ABLIM2: variants seen among roughly 807,000 people sequenced by gnomAD.
ABLIM2 encodes the protein actin-binding LIM protein 2.
A neutral mutation model predicts 97.7 loss-of-function variants in ABLIM2; 53 were observed. That is an observed-to-expected ratio of 0.54 (90% confidence interval 0.44 to 0.68). The LOEUF is 0.68. ABLIM2 is among the 30% of genes least tolerant of loss of function. The pLI, the probability that ABLIM2 is intolerant of heterozygous loss-of-function variation, is 0.00. For missense variants in ABLIM2, 835 were observed against 867.2 expected, an observed-to-expected ratio of 0.96 and a Z score of 0.47; for synonymous variants, 361 against 345.8, an observed-to-expected ratio of 1.04 and a Z score of -0.49.
Position 8,001,875 on chromosome 4 carries a change from C to T in ABLIM2, c.1618+6184G>A, listed in dbSNP as rs1027096974. Among the ~76,000 whole-genome samples, 1 of 152,194 alleles carries T rather than the reference C, an allele frequency of 6.6e-6. No homozygotes were observed. Among genetic ancestry groups the T allele is most frequent in the Non-Finnish European group, 1.5e-5 (1 of 68,038 alleles). On this transcript the variant is annotated intron_variant, in intron 16 of 20. Transcript: ENST00000447017. This position sits in a 1 kb window ranked among gnomAD's most constrained non-coding sequence, Gnocchi z 4.2. ...CCACTTCCTCTGTGGAATCTCCTGC[C>T]CCCCGATGGCACCTTCCCACCTGCC...
intron 3 of ABLIM2, among the ~76,000 whole-genome samples, chr4:8,091,868 T>C (rs1190434492): frequency 8.8e-6 from 1 of 113,482 alleles, no homozygotes; most frequent in Non-Finnish European, 1.7e-5. Context: ...ATATTATATA[T>C]ACAATATATA....
At position 8,110,134 on chromosome 4, in the gene ABLIM2, C is replaced by T. The variant is rs368022426; in HGVS notation, c.11-3497G>A. Among the ~76,000 whole-genome samples the T allele has an allele frequency of 1.4e-4, 21 of 152,386 alleles. No homozygotes were observed. In the East Asian group the frequency reaches 1.5e-3, roughly 11 times the overall value. On this transcript the variant is annotated intron_variant, in intron 1 of 20. Transcript: ENST00000447017. ...ATGGGGGCCCCTGTAGGCTGCCACA[C>T]GGGTGATGCACCCAGTCCACATCTG...
At position 8,003,314 on chromosome 4, in the gene ABLIM2, G is replaced by A. The variant is rs561606741; in HGVS notation, c.1618+4745C>T. Among the ~76,000 whole-genome samples, 3 of 152,306 alleles carry A rather than the reference G, an allele frequency of 2.0e-5. No homozygotes were observed. The highest frequency in any genetic ancestry group is 1.9e-4 in the East Asian group (1 of 5,182). ...GCAGAGTCATCTAGCACACAGCCTG[G>A]TGCATCATAGAGGGCTGGCCGTCTC... On this transcript the variant is annotated intron_variant, in intron 16 of 20. Transcript: ENST00000447017. The surrounding 1 kb of genome is among the most constrained non-coding windows in gnomAD (Gnocchi z 4.2).
rs984843946 is a variant in ABLIM2, at chr4:7,986,672, GAATTT to G, written c.1681-1784_1681-1780del. Among the ~76,000 whole-genome samples, 3 of 152,018 alleles carry G rather than the reference GAATTT, an allele frequency of 2.0e-5. No individual in the cohort carries two copies. Among genetic ancestry groups the G allele is most frequent in the Non-Finnish European group, 4.4e-5 (3 of 68,008 alleles). On this transcript the variant is annotated intron_variant, in intron 17 of 20. Coordinates refer to ENST00000447017, the MANE Select transcript of ABLIM2 (RefSeq NM_001130083.2). The surrounding 1 kb of genome is among the most constrained non-coding windows in gnomAD (Gnocchi z 4.3). ...TCTTGCCTTCAGGGGTATTCACAAA[GAATTT>G]CTTTTTTTTCTTTGAGACAGAGTCT...
chr4:8,126,203 C>T (rs966584744), intron 1 of ABLIM2, among the ~76,000 whole-genome samples: 1 of 152,188 alleles, frequency 6.6e-6, no homozygotes, highest in East Asian at 1.9e-4. Flanking sequence ...CTGTGCAGGG[C>T]AGAACCCACA....
At position 8,095,742 on chromosome 4, in the gene ABLIM2, G is replaced by A. The variant is rs7674677; in HGVS notation, c.338+1357C>T. 0.25 allele frequency among the ~76,000 whole-genome samples: 37,527 copies of A among 151,912 alleles called. 4,947 individuals are homozygous for A. The highest frequency in any genetic ancestry group is 0.31 in the East Asian group (1,606 of 5,132). On this transcript the variant is annotated intron_variant, in intron 3 of 20. Coordinates refer to ENST00000447017, the MANE Select transcript of ABLIM2 (RefSeq NM_001130083.2). This position sits in a 1 kb window ranked among gnomAD's most constrained non-coding sequence, Gnocchi z 4.7. ...GTAGAGCAGGTTCACTGTAGCCTTC[G>A]CTCTAGGGCTGTTTTGTCTTCTGGA...
In ABLIM2 at chr4:8,087,831, G is replaced by A. The variant is rs1261852847; in HGVS notation, c.454+338C>T. On this transcript the variant is annotated intron_variant, in intron 4 of 20. Coordinates refer to ENST00000447017, the MANE Select transcript of ABLIM2 (RefSeq NM_001130083.2). The surrounding 1 kb of genome is among the most constrained non-coding windows in gnomAD (Gnocchi z 4.6). ...GGGTGGAGGAAACAGCCAGTGCAAA[G>A]ACTTGGCGGCACGAGAGCCCCAGAA... is the stretch of plus-strand genomic sequence containing the variant. Among the ~76,000 whole-genome samples the A allele has an allele frequency of 3.3e-5, 5 of 152,064 alleles. No homozygotes were observed. Among genetic ancestry groups the A allele is most frequent in the African/African-American group, 9.7e-5 (4 of 41,358 alleles).
At chr4:8,135,547 G>A (rs548653021) in intron 1 of ABLIM2, among the ~76,000 whole-genome samples, 6 of 152,332 alleles carry the variant, frequency 3.9e-5, no homozygotes, top group African/African-American at 1.4e-4. Flanking sequence ...AGGACACAGT[G>A]AGAAGACGTC....
intron 1 of ABLIM2, among the ~76,000 whole-genome samples, chr4:8,154,153 G>A (rs1033774861): frequency 5.9e-5 from 9 of 151,536 alleles, no homozygotes; most frequent in African/African-American, 1.2e-4. Flanking sequence ...TAGTAGAGAT[G>A]GGGTTTCACT....
At chr4:8,141,349 C>A (rs1451848266) in intron 1 of ABLIM2, among the ~76,000 whole-genome samples, 1 of 152,164 alleles carries the variant, frequency 6.6e-6, no homozygotes, top group African/African-American at 2.4e-5. Flanking sequence ...CAGTTAATTA[C>A]CAGCCCCTCT....
At chr4:8,153,554 G>C (rs1418895868) in intron 1 of ABLIM2, among the ~76,000 whole-genome samples, 1 of 152,220 alleles carries the variant, frequency 6.6e-6, no homozygotes, top group Non-Finnish European at 1.5e-5. Context: ...ACCTCATTCA[G>C]AGTGGAGTCA....
At chr4:8,093,832 TC>T (rs1194930212) in intron 3 of ABLIM2, among the ~76,000 whole-genome samples, 2 of 152,232 alleles carry the variant, frequency 1.3e-5, no homozygotes, top group Non-Finnish European at 2.9e-5. Context: ...TTTGGTAGAT[TC>T]TGATGTGTTT....
rs1378972872 is a variant in ABLIM2 at position 7,970,760 on chromosome 4, T to C, written c.1825-3657A>G. On this transcript the variant is annotated intron_variant, in intron 20 of 20. Transcript: ENST00000447017. The surrounding 1 kb of genome is among the most constrained non-coding windows in gnomAD (Gnocchi z 5.3). ...GTTACCTTCTCTGGGAGTGTGGCAC[T>C]GGGACTGGGACGCTCCATCACCAGA... Among the ~76,000 whole-genome samples the C allele has an allele frequency of 6.6e-6, 1 of 151,856 alleles. No homozygotes were observed. The highest frequency in any genetic ancestry group is 2.1e-4 in the South Asian group (1 of 4,812).
chr4:8,005,020 G>A lies in ABLIM2; in HGVS notation c.1618+3039C>T, dbSNP rs1760159068. Reference sequence around the variant, plus strand: ...TCACCACTGCCTAGCACCATGTCCAGCACATAGTAGGTGCTCAGTAAGTAT... The same window carrying A: ...TCACCACTGCCTAGCACCATGTCCAACACATAGTAGGTGCTCAGTAAGTAT... On this transcript the variant is annotated intron_variant, in intron 16 of 20. Transcript: ENST00000447017. The surrounding 1 kb of genome is among the most constrained non-coding windows in gnomAD (Gnocchi z 4.9). Among the ~76,000 whole-genome samples the A allele has an allele frequency of 6.6e-6, 1 of 152,226 alleles. No individual in the cohort carries two copies. The highest frequency in any genetic ancestry group is 1.5e-5 in the Non-Finnish European group (1 of 68,046).
In ABLIM2 at chr4:8,087,878, C is replaced by T. The variant is rs1433707746; in HGVS notation, c.454+291G>A. On this transcript the variant is annotated intron_variant, in intron 4 of 20. Coordinates refer to ENST00000447017, the MANE Select transcript of ABLIM2 (RefSeq NM_001130083.2). This position sits in a 1 kb window ranked among gnomAD's most constrained non-coding sequence, Gnocchi z 4.6. The stretch of plus-strand genomic sequence containing the variant: ...AGAAACTTCCATCCCTGGCTGCCTC[C>T]TCACATTTATTCACAGCGTTCACTG... Among the ~76,000 whole-genome samples, 1 of 152,036 alleles carries T rather than the reference C, an allele frequency of 6.6e-6. No individual in the cohort carries two copies. Among genetic ancestry groups the T allele is most frequent in the African/African-American group, 2.4e-5 (1 of 41,362 alleles).
intron 20 of ABLIM2, among the ~76,000 whole-genome samples, chr4:7,976,865 A>G (rs1733719951): frequency 6.6e-6 from 1 of 150,916 alleles, no homozygotes; most frequent in African/African-American, 2.4e-5. Flanking sequence ...ATACACGTAT[A>G]CATACATAAA....
rs758776758 is a variant in ABLIM2, at chr4:8,077,620, G to C, written c.675+8C>G. 2 of 1,602,642 alleles carry C rather than the reference G, an allele frequency of 1.2e-6. No individual in the cohort carries two copies. The highest frequency in any genetic ancestry group is 1.7e-6 in the Non-Finnish European group (2 of 1,173,996). On this transcript the variant is annotated splice_region_variant and intron_variant, in intron 6 of 20. Transcript: ENST00000447017. The stretch of plus-strand genomic sequence containing the variant: ...AGAGCGGGCAGGGGCCCGGCCCGCC[G>C]CGCTTACCTCCAGCACGCGCCCCGT...
rs530950570 is a variant in ABLIM2 at position 8,043,115 on chromosome 4, G to A, written c.900+2049C>T. ...TGCCATGAGCCATGATCTCACCACTGCACTCCAGCCTGGGCGACAGAGCCA... is the reference window on the plus strand; with the variant it reads ...TGCCATGAGCCATGATCTCACCACTACACTCCAGCCTGGGCGACAGAGCCA... On this transcript the variant is annotated intron_variant, in intron 9 of 20. Coordinates refer to ENST00000447017, the MANE Select transcript of ABLIM2 (RefSeq NM_001130083.2). This position sits in a 1 kb window ranked among gnomAD's most constrained non-coding sequence, Gnocchi z 4.8. 1.3e-5 allele frequency among the ~76,000 whole-genome samples: 2 copies of A among 152,246 alleles called. No homozygotes were observed. The highest frequency in any genetic ancestry group is 3.9e-4 in the East Asian group (2 of 5,176).
rs943865636 is a variant in ABLIM2 at position 8,058,450 on chromosome 4, C to T, written c.763+2517G>A. Among the ~76,000 whole-genome samples the T allele has an allele frequency of 6.6e-5, 10 of 152,246 alleles. No individual in the cohort carries two copies. Among genetic ancestry groups the T allele is most frequent in the Non-Finnish European group, 5.9e-5 (4 of 68,048 alleles). ...AGCCCGCAGGCACCTGCACGGCAGA[C>T]GCTCTGACAGCAGCTCTCCCAGACC... On this transcript the variant is annotated intron_variant, in intron 7 of 20. Transcript: ENST00000447017. This position sits in a 1 kb window ranked among gnomAD's most constrained non-coding sequence, Gnocchi z 4.2.
Sources: allele counts gnomAD v4.1 joint callset (sites outside exome capture counted in the v4.1 genomes callset), GRCh38; gene constraint gnomAD v4.1.1; non-coding constraint Gnocchi (gnomAD v3.1); transcripts MANE v1.5; gene names NCBI Gene and HGNC (gene_info 2026-07-23, HGNC 2026-07-21).